OPCML: variants seen among roughly 807,000 people sequenced by gnomAD.
OPCML encodes the protein opioid binding protein/cell adhesion molecule like.
Under a neutral mutation model 37.8 loss-of-function variants are expected in OPCML, and 13 were observed. The ratio of observed to expected loss-of-function variants is 0.34; its 90% CI spans 0.22 to 0.55. The LOEUF is 0.55. OPCML is among the 20% of genes least tolerant of loss of function. The probability of loss-of-function intolerance (pLI) is 0.91; values close to 1 mark genes in which losing one functional copy is unlikely to be tolerated. For missense variants in OPCML, 341 were observed against 435.6 expected, an observed-to-expected ratio of 0.78 and a Z score of 1.93; for synonymous variants, 176 against 168.8, an observed-to-expected ratio of 1.04 and a Z score of -0.33.
At chr11:132,837,255 G>A (rs1033681711) in intron 2 of OPCML, among the ~76,000 whole-genome samples, 2 of 152,070 alleles carry the variant, frequency 1.3e-5, no homozygotes, top group African/African-American at 2.4e-5. Flanking sequence ...CAGAGGTTGC[G>A]GTGACCGAGA....
chr11:133,299,795 T>C (rs1223522900), intron 1 of OPCML: 3 of 152,134 alleles, frequency 2.0e-5, no homozygotes, highest in Non-Finnish European at 4.4e-5. Context: ...TCCATACTTG[T>C]CTGTGATGAA....
At chr11:133,365,048 T>TCTCACACACACACA (rs1944508535) in intron 1 of OPCML, among the ~76,000 whole-genome samples, 1 of 146,472 alleles carries the variant, frequency 6.8e-6, no homozygotes, top group African/African-American at 2.5e-5. Context: ...TCTCTCTCTT[T>TCTCACACACACACA]CACACACACA....
intron 1 of OPCML, among the ~76,000 whole-genome samples, chr11:133,181,985 A>G (rs1289674874): frequency 6.6e-6 from 1 of 152,160 alleles, no homozygotes; most frequent in Non-Finnish European, 1.5e-5. Flanking sequence ...CAGAAAAGAG[A>G]CACATTTTCT....
intron 1 of OPCML, among the ~76,000 whole-genome samples, chr11:133,036,816 A>G (rs1327160728): frequency 6.6e-6 from 1 of 152,208 alleles, no homozygotes; most frequent in Non-Finnish European, 1.5e-5. Context: ...GGGGAATGGG[A>G]GGGCAGCCTG....
intron 3 of OPCML, among the ~76,000 whole-genome samples, chr11:132,572,541 T>TG (rs2096441117): frequency 6.6e-6 from 1 of 152,146 alleles, no homozygotes; most frequent in African/African-American, 2.4e-5. Context: ...TTGGCACCCT[T>TG]GTTGAAGATC....
chr11:132,604,516 C>A (rs1195566649), intron 3 of OPCML, among the ~76,000 whole-genome samples: 1 of 152,126 alleles, frequency 6.6e-6, no homozygotes, highest in East Asian at 1.9e-4. Flanking sequence ...TCTCTGATGC[C>A]CTTATGAACT....
At chr11:132,847,928 C>T (rs377630992) in intron 2 of OPCML, among the ~76,000 whole-genome samples, 24 of 152,240 alleles carry the variant, frequency 1.6e-4, no homozygotes, top group South Asian at 4.1e-4. Context: ...TGTAGAAGTC[C>T]GGGCTGTCAC....
At chr11:132,981,610 C>T (rs1293145509) in intron 1 of OPCML, among the ~76,000 whole-genome samples, 5 of 152,208 alleles carry the variant, frequency 3.3e-5, no homozygotes, top group Middle Eastern at 3.4e-3. Context: ...ATTAATCTGA[C>T]GATTACACGT....
chr11:132,435,117 C>A (rs962992006), intron 7 of OPCML: 2 of 1,135,962 alleles, frequency 1.8e-6, no homozygotes, highest in African/African-American at 3.2e-5. Context: ...AAGGCATAGG[C>A]ATTCAGGCAG....
chr11:133,472,825 C>T (rs544520557), intron 1 of OPCML, among the ~76,000 whole-genome samples: 14 of 152,072 alleles, frequency 9.2e-5, no homozygotes, highest in Admixed American at 2.0e-4. Context: ...TTGGCAATCT[C>T]GTCCCTGGGG....
At chr11:133,436,870 A>G (rs1015280872) in intron 1 of OPCML, among the ~76,000 whole-genome samples, 1 of 152,172 alleles carries the variant, frequency 6.6e-6, no homozygotes, top group African/African-American at 2.4e-5. Context: ...ACTCAGGGGT[A>G]TGATGGAATG....
chr11:132,539,620 T>C (rs2096350730), intron 3 of OPCML, among the ~76,000 whole-genome samples: 1 of 152,042 alleles, frequency 6.6e-6, no homozygotes, highest in South Asian at 2.1e-4. Flanking sequence ...GTGATAGTGA[T>C]AATAACGGTG....
chr11:132,526,513 CA>C (rs2096308875), intron 4 of OPCML, among the ~76,000 whole-genome samples: 1 of 151,716 alleles, frequency 6.6e-6, no homozygotes, highest in African/African-American at 2.4e-5. Context: ...GTCTTTATAC[CA>C]AGAATATTAG....
intron 1 of OPCML, among the ~76,000 whole-genome samples, chr11:132,957,122 C>T (rs1945991331): frequency 6.6e-6 from 1 of 152,170 alleles, no homozygotes; most frequent in African/African-American, 2.4e-5. Context: ...CAAAGCAAGA[C>T]CTTGTCTCAA....
At chr11:132,483,252 C>A (rs2137028889) in intron 4 of OPCML, among the ~76,000 whole-genome samples, 1 of 149,680 alleles carries the variant, frequency 6.7e-6, no homozygotes, top group Non-Finnish European at 1.5e-5. Context: ...GTGCAAAAAT[C>A]ACAAGCATTC....
intron 1 of OPCML, among the ~76,000 whole-genome samples, chr11:133,366,724 T>C (rs1045210554): frequency 6.6e-6 from 1 of 152,212 alleles, no homozygotes; most frequent in Non-Finnish European, 1.5e-5. Flanking sequence ...GTTTGTAATA[T>C]TTGGCTTCCA....
intron 1 of OPCML, among the ~76,000 whole-genome samples, chr11:133,432,560 G>C (rs1488036558): frequency 6.6e-6 from 1 of 152,048 alleles, no homozygotes; most frequent in East Asian, 1.9e-4. Flanking sequence ...TATTCTGCTT[G>C]TAATTTGTTG....
chr11:133,264,805 A>G (rs546776914), intron 1 of OPCML, among the ~76,000 whole-genome samples: 8 of 152,272 alleles, frequency 5.3e-5, no homozygotes, highest in African/African-American at 1.9e-4. Context: ...TCTGTCATCA[A>G]TATGTCATAA....
At chr11:132,467,655 A>AAG (rs752952475) in intron 4 of OPCML, among the ~76,000 whole-genome samples, 8 of 152,218 alleles carry the variant, frequency 5.3e-5, no homozygotes, top group Non-Finnish European at 7.3e-5. Flanking sequence ...TCACTGGAGA[A>AAG]TACTGAGTGC....
Sources: allele counts gnomAD v4.1 joint callset (sites outside exome capture counted in the v4.1 genomes callset), GRCh38; gene constraint gnomAD v4.1.1; transcripts MANE v1.5; gene names NCBI Gene and HGNC (gene_info 2026-07-23, HGNC 2026-07-21).